CCSER1: variants seen among roughly 807,000 people sequenced by gnomAD.
CCSER1 encodes coiled-coil serine rich protein 1.
Under a neutral mutation model 82.0 loss-of-function variants are expected in CCSER1, and 41 were observed. The observed-to-expected ratio is 0.50, with a 90% CI of 0.39 to 0.65. CCSER1 has a LOEUF of 0.65. Among genes scored for constraint, CCSER1 ranks in the 30% least tolerant of loss-of-function variants. The pLI is 0.00. For missense variants in CCSER1, 1,119 were observed against 1,064.2 expected (o/e 1.05, Z -0.72); for synonymous variants, 414 against 383.9 (o/e 1.08, Z -0.92).
chr4:90,132,011 T>C (rs1722906643), intron 1 of CCSER1, among the ~76,000 whole-genome samples: 1 of 152,186 alleles, frequency 6.6e-6, no homozygotes, highest in South Asian at 2.1e-4. Context: ...TGCACAAATA[T>C]TAGACATGAC....
chr4:90,751,820 G>A (rs964665960), intron 7 of CCSER1, among the ~76,000 whole-genome samples: 13 of 151,810 alleles, frequency 8.6e-5, no homozygotes, highest in African/African-American at 2.9e-4. Flanking sequence ...TTTAGACTTA[G>A]CATATAAGAT....
rs1252976859 is a variant in CCSER1 at position 90,923,375 on chromosome 4, A to G, written c.2100A>G (p.Lys700=). ...GCTGTTTTTTCATTTTGCAGGGAAA[A>G]GTCCGGCATTTACAGAAGGCTTTTG... ...LISQLQEELG[K]VRHLQKAFAS... is the part of the protein sequence containing the mutation. Residue 700 remains lysine (K), a synonymous_variant, in exon 9 of 11, where the codon AAA becomes AAG. Coordinates refer to ENST00000509176, the MANE Select transcript of CCSER1 (RefSeq NM_001145065.2). The G allele has an allele frequency of 1.3e-6, 2 of 1,551,222 alleles. No individual in the cohort carries two copies. The highest frequency in any genetic ancestry group is 2.4e-5 in the South Asian group (2 of 84,060).
intron 9 of CCSER1, among the ~76,000 whole-genome samples, chr4:91,080,147 T>C (rs1041150763): frequency 1.3e-5 from 2 of 152,062 alleles, no homozygotes; most frequent in Admixed American, 6.6e-5. Flanking sequence ...CTTACTCCAA[T>C]ATTGACCACA....
At chr4:90,225,798 G>T (rs577294625) in intron 1 of CCSER1, among the ~76,000 whole-genome samples, 1 of 152,194 alleles carries the variant, frequency 6.6e-6, no homozygotes, top group South Asian at 2.1e-4. Context: ...TATGCTACTG[G>T]TTTGATAACA....
chr4:90,914,369 C>G (rs1726943497), intron 8 of CCSER1, among the ~76,000 whole-genome samples: 1 of 152,156 alleles, frequency 6.6e-6, no homozygotes, highest in Admixed American at 6.5e-5. Context: ...TACATGGAAA[C>G]TGAACAACCT....
intron 5 of CCSER1, among the ~76,000 whole-genome samples, chr4:90,482,375 G>T (rs1466931998): frequency 2.0e-5 from 3 of 152,184 alleles, no homozygotes; most frequent in African/African-American, 7.2e-5. Context: ...ATTTCCTTCA[G>T]TTCTGCTCTG....
chr4:90,667,587 G>C (rs1009329783), intron 6 of CCSER1, among the ~76,000 whole-genome samples: 20 of 152,114 alleles, frequency 1.3e-4, no homozygotes, highest in South Asian at 4.2e-4. Flanking sequence ...GTGAGAGCAT[G>C]AAGTGTTTGG....
At chr4:90,437,014 G>C (rs1368036033) in intron 4 of CCSER1, among the ~76,000 whole-genome samples, 2 of 151,828 alleles carry the variant, frequency 1.3e-5, no homozygotes, top group East Asian at 3.9e-4. Context: ...GTAGAGTTAG[G>C]GTTTCACCGT....
chr4:91,517,918 A>T (rs1760234667), intron 10 of CCSER1, among the ~76,000 whole-genome samples: 1 of 152,172 alleles, frequency 6.6e-6, no homozygotes, highest in African/African-American at 2.4e-5. Flanking sequence ...GTATGATAGC[A>T]AAACATTTTT....
At chr4:91,484,729 A>C (rs1477385188) in intron 10 of CCSER1, among the ~76,000 whole-genome samples, 1 of 152,148 alleles carries the variant, frequency 6.6e-6, no homozygotes, top group Non-Finnish European at 1.5e-5. Flanking sequence ...AAACAGTAGC[A>C]TTAGCATCAC....
At chr4:90,415,228 A>T (rs1367982002) in intron 4 of CCSER1, among the ~76,000 whole-genome samples, 1 of 152,228 alleles carries the variant, frequency 6.6e-6, no homozygotes, top group Non-Finnish European at 1.5e-5. Flanking sequence ...ACATGTCTTC[A>T]TAAGGTGCAC....
rs966927801 is a variant in CCSER1 at position 90,610,121 on chromosome 4, C to T, written c.1725-17904C>T. 1.1e-4 allele frequency among the ~76,000 whole-genome samples: 17 copies of T among 151,854 alleles called. No individual in the cohort carries two copies. In the South Asian group the frequency reaches 3.3e-3, roughly 30 times the overall value. ...ACAAAAAATTAGCCGGGCGTGGTGG[C>T]GGGCACCTGTAGTCCCAGCTACTCG... On this transcript the variant is annotated intron_variant, in intron 5 of 10. Transcript: ENST00000509176.
At chr4:90,275,993 G>C (rs1280004260) in intron 1 of CCSER1, among the ~76,000 whole-genome samples, 1 of 152,090 alleles carries the variant, frequency 6.6e-6, no homozygotes, top group Non-Finnish European at 1.5e-5. Context: ...TTAAAAGTTT[G>C]GGAGAAGAGT....
At chr4:91,437,855 C>T (rs187523929) in intron 10 of CCSER1, among the ~76,000 whole-genome samples, 10 of 152,358 alleles carry the variant, frequency 6.6e-5, no homozygotes, top group South Asian at 4.1e-4. Flanking sequence ...GAGGGTCCTA[C>T]GCCCACAGAG....
chr4:90,727,637 C>T (rs1014480751), intron 7 of CCSER1, among the ~76,000 whole-genome samples: 1 of 152,176 alleles, frequency 6.6e-6, no homozygotes, highest in Admixed American at 6.6e-5. Context: ...AGTAGGATGA[C>T]CCTTTCAATG....
chr4:91,082,488 C>T (rs1051893401), intron 9 of CCSER1, among the ~76,000 whole-genome samples: 4 of 152,228 alleles, frequency 2.6e-5, no homozygotes, highest in Non-Finnish European at 4.4e-5. Context: ...ACCATTCAGG[C>T]CATAGGCATG....
intron 10 of CCSER1, among the ~76,000 whole-genome samples, chr4:91,249,841 C>A (rs1313667276): frequency 1.3e-5 from 2 of 151,896 alleles, no homozygotes; most frequent in East Asian, 1.9e-4. Context: ...ACTGTCAGCT[C>A]CTTGAGGGCA....
chr4:90,998,009 A>G (rs1160465533), intron 9 of CCSER1, among the ~76,000 whole-genome samples: 1 of 152,172 alleles, frequency 6.6e-6, no homozygotes, highest in Non-Finnish European at 1.5e-5. Flanking sequence ...TCCCAATTAA[A>G]TATTTGCTTA....
intron 4 of CCSER1, among the ~76,000 whole-genome samples, chr4:90,466,344 G>T (rs1215388196): frequency 6.6e-6 from 1 of 152,214 alleles, no homozygotes; most frequent in East Asian, 1.9e-4. Flanking sequence ...ATGGGCCATA[G>T]GCCATGAACC....
Sources: gnomAD v4.1 joint callset for allele counts (sites outside exome capture counted in the v4.1 genomes callset) on GRCh38, gnomAD v4.1.1 for gene constraint, MANE v1.5 for transcripts, NCBI Gene and HGNC (gene_info 2026-07-23, HGNC 2026-07-21) for gene names.